Variants in RNF212 observed in about 807,000 individuals in gnomAD.
RNF212 encodes ring finger protein 212.
Under a neutral mutation model 34.7 loss-of-function variants are expected in RNF212, and 33 were observed. The ratio of observed to expected loss-of-function variants is 0.95; its 90% confidence interval spans 0.72 to 1.27. RNF212 has a LOEUF of 1.27. Among genes scored for constraint, RNF212 ranks in the 50% most tolerant of loss-of-function variants. The pLI, the probability that RNF212 is intolerant of heterozygous loss-of-function variation, is 0.00. For missense variants in RNF212, 377 were observed against 362.2 expected, an observed-to-expected ratio of 1.04 and a Z score of -0.33; for synonymous variants, 140 against 136.1, an observed-to-expected ratio of 1.03 and a Z score of -0.20.
At chr4:1,105,776 G>A (rs1189309709) in intron 2 of RNF212, among the ~76,000 whole-genome samples, 3 of 152,240 alleles carry the variant, frequency 2.0e-5, no homozygotes, top group Non-Finnish European at 4.4e-5. Flanking sequence ...AAAGAAGCCA[G>A]CATGAGCCAG....
chr4:1,111,418 C>T (rs954141230), intron 1 of RNF212, among the ~76,000 whole-genome samples: 1 of 152,156 alleles, frequency 6.6e-6, no homozygotes, highest in African/African-American at 2.4e-5. Flanking sequence ...GGATACAGGC[C>T]GTGTCCAGAC....
At chr4:1,096,921 C>T (rs1304678817) in intron 2 of RNF212, 82 bp from the exon 3 acceptor site, 1 of 1,012,550 alleles carries the variant, frequency 9.9e-7, no homozygotes, top group Non-Finnish European at 1.6e-6. Flanking sequence ...ACTTGAAGAC[C>T]TAGAATTAGC....
downstream of RNF212, among the ~76,000 whole-genome samples, chr4:1,068,204 C>T (rs1351032952): frequency 6.6e-6 from 1 of 152,170 alleles, no homozygotes; most frequent in Non-Finnish European, 1.5e-5. Context: ...CCGTCTAATT[C>T]CAAAACTTAC....
chr4:1,086,535 A>T (rs1246658841), intron 4 of RNF212, among the ~76,000 whole-genome samples: 1 of 124,170 alleles, frequency 8.1e-6, no homozygotes, highest in Admixed American at 8.9e-5. Context: ...GTGGCTGTCA[A>T]GGAGTATGAT....
downstream of RNF212, among the ~76,000 whole-genome samples, chr4:1,067,431 A>C (rs1408519023): frequency 6.6e-6 from 1 of 152,262 alleles, no homozygotes; most frequent in African/African-American, 2.4e-5. Flanking sequence ...AAAAAGATCT[A>C]ACCATATGTT....
At chr4:1,073,445 A>C (rs983193854) in intron 9 of RNF212, among the ~76,000 whole-genome samples, 154 bp downstream of exon 9, 3 of 152,052 alleles carry the variant, frequency 2.0e-5, no homozygotes, top group African/African-American at 7.2e-5. Context: ...CAAAAGCTGC[A>C]CCATTTTGGT....
At chr4:1,087,834 C>G (rs955049462) in intron 4 of RNF212, among the ~76,000 whole-genome samples, 3 of 151,924 alleles carry the variant, frequency 2.0e-5, no homozygotes, top group Non-Finnish European at 4.4e-5. Context: ...CCCTCCACCC[C>G]CTCTCCTGCC....
At chr4:1,110,680 C>T (rs981354310) in intron 1 of RNF212, among the ~76,000 whole-genome samples, 5 of 152,162 alleles carry the variant, frequency 3.3e-5, no homozygotes, top group Admixed American at 6.5e-5. Context: ...TAAAAATCTG[C>T]ATCTATAGGA....
intron 2 of RNF212, chr4:1,099,698 T>C (rs1723635669): frequency 6.6e-6 from 3 of 456,152 alleles, no homozygotes; most frequent in South Asian, 4.6e-5. Flanking sequence ...GTAACGAGGA[T>C]ACATAGTTAA....
intron 5 of RNF212, among the ~76,000 whole-genome samples, chr4:1,083,312 A>T (rs535100738): frequency 6.6e-6 from 1 of 152,332 alleles, no homozygotes; most frequent in African/African-American, 2.4e-5. Context: ...AATGAGCAGG[A>T]ATGTTCTCAA....
chr4:1,107,294 G>A (rs1825093), intron 2 of RNF212: 87,079 of 151,578 alleles, frequency 0.57, 26,765 homozygotes, highest in South Asian at 0.69. Context: ...CTCATGATCC[G>A]CCTGCCTCAG....
At chr4:1,078,417 G>A (rs1000662437) in intron 8 of RNF212, among the ~76,000 whole-genome samples, 1 of 152,120 alleles carries the variant, frequency 6.6e-6, no homozygotes, top group East Asian at 1.9e-4. Context: ...TACATCTGGC[G>A]CTGAGTTCTG....
At chr4:1,099,547 C>T (rs1166272863) in intron 2 of RNF212, among the ~76,000 whole-genome samples, 1 of 152,132 alleles carries the variant, frequency 6.6e-6, no homozygotes. Flanking sequence ...AGCTGAGGCC[C>T]TCGCATCATC....
chr4:1,058,444 G>C (rs1185759544), intron 3 of RNF212: 2 of 810,548 alleles, frequency 2.5e-6, no homozygotes, highest in Non-Finnish European at 3.0e-6. Context: ...ACACATCACG[G>C]TGCTTTGAGG....
intron 8 of RNF212, among the ~76,000 whole-genome samples, chr4:1,075,506 C>T (rs558482936): frequency 8.7e-4 from 132 of 152,258 alleles, no homozygotes; most frequent in Admixed American, 1.6e-3. Flanking sequence ...AGCCAGATCT[C>T]GTGAGAACTC....
At chr4:1,069,514 G>A (rs112406116), downstream of RNF212, among the ~76,000 whole-genome samples, 1 of 151,968 alleles carries the variant, frequency 6.6e-6, no homozygotes, top group African/African-American at 2.4e-5. Flanking sequence ...GTGGTCAGGC[G>A]ACCAAGGTGA....
At chr4:1,083,976 TTTG>T (rs1720782276) in intron 5 of RNF212, among the ~76,000 whole-genome samples, 1 of 147,172 alleles carries the variant, frequency 6.8e-6, no homozygotes. Flanking sequence ...GAGACGGAGT[TTTG>T]CTCTTGTTAC....
intron 4 of RNF212, chr4:1,056,846 T>C (rs1717355905): frequency 1.0e-6 from 1 of 987,838 alleles, no homozygotes. Context: ...GCCTAAACAC[T>C]GCCTCTGCAG....
chr4:1,093,910 T>C, intron 3 of RNF212: 1 of 1,536,254 alleles, frequency 6.5e-7, no homozygotes, highest in Admixed American at 2.0e-5. Flanking sequence ...CTTGGGGATC[T>C]CTGGCTGCTG....
Sources: gnomAD v4.1 joint callset for allele counts (sites outside exome capture counted in the v4.1 genomes callset) on GRCh38, gnomAD v4.1.1 for gene constraint, MANE v1.5 for transcripts, NCBI Gene and HGNC (gene_info 2026-07-23, HGNC 2026-07-21) for gene names.